Variants in RAB3GAP1 observed in about 807,000 individuals in gnomAD.
RAB3GAP1 encodes rab3 GTPase-activating protein catalytic subunit.
Under a neutral mutation model 130.7 loss-of-function variants are expected in RAB3GAP1, and 86 were observed. That is an observed-to-expected ratio of 0.66 (90% confidence interval 0.55 to 0.79). The LOEUF is 0.79. Ranked by LOEUF, RAB3GAP1 falls within the 30% of genes least tolerant of loss-of-function variation. RAB3GAP1 has a pLI of 0.00. For synonymous variants in RAB3GAP1, 367 were observed against 401.7 expected (o/e 0.91, Z 1.03); for missense variants, 1,029 against 1,169.4 (o/e 0.88, Z 1.75).
At chr2:135,074,188 G>A (rs1689556307) in intron 3 of RAB3GAP1, among the ~76,000 whole-genome samples, 1 of 152,230 alleles carries the variant, frequency 6.6e-6, no homozygotes, top group Non-Finnish European at 1.5e-5. Context: ...TGGAGCAGGA[G>A]GGTTGGCTGC....
intron 3 of RAB3GAP1, among the ~76,000 whole-genome samples, chr2:135,061,337 C>T (rs2874739): frequency 0.31 from 47,642 of 151,976 alleles, 11,367 homozygotes; most frequent in African/African-American, 0.65. Context: ...AGGATAGGTG[C>T]AACTTTATAA....
chr2:135,155,945 CAAGAA>C (rs1692299318), intron 19 of RAB3GAP1, among the ~76,000 whole-genome samples: 1 of 151,572 alleles, frequency 6.6e-6, no homozygotes, highest in Admixed American at 6.6e-5. Context: ...CTAATTTAAT[CAAGAA>C]AAGGGAGAGC....
chr2:135,173,923 ATCT>A (rs1168294150), downstream of RAB3GAP1, among the ~76,000 whole-genome samples: 8 of 152,166 alleles, frequency 5.3e-5, no homozygotes, highest in African/African-American at 1.9e-4. Context: ...TTGTGTTTAA[ATCT>A]TCTGGCCTCT....
At chr2:135,121,457 TTATTAA>T (rs1405630720) in intron 8 of RAB3GAP1, among the ~76,000 whole-genome samples, 3 of 152,174 alleles carry the variant, frequency 2.0e-5, no homozygotes, top group Non-Finnish European at 4.4e-5. Flanking sequence ...CATTCAACAA[TTATTAA>T]TTATTAACCT....
intron 17 of RAB3GAP1, among the ~76,000 whole-genome samples, chr2:135,148,755 G>A (rs1344119135): frequency 2.1e-5 from 3 of 144,072 alleles, no homozygotes; most frequent in Non-Finnish European, 3.0e-5. Flanking sequence ...CAAATGATCC[G>A]TCCACCTCGG....
In RAB3GAP1 at chr2:135,170,618, A is replaced by G. The variant is rs1692824282; in HGVS notation, c.*1837A>G. The G allele has an allele frequency of 6.6e-6, 1 of 150,596 alleles. No individual in the cohort carries two copies. The allele number at this position is 150,596 out of a possible 1,614,324, so 9.3% of individuals were successfully genotyped here. On this transcript the variant is annotated 3_prime_UTR_variant, in exon 24 of 24. Transcript: ENST00000264158. ...TAGTCAACTCTGCTGTGTGGATCGG[A>G]GGGCCTGCATTTATCCTACAAATAA...
At chr2:135,068,138 G>A (rs547874003) in intron 3 of RAB3GAP1, among the ~76,000 whole-genome samples, 125 of 152,218 alleles carry the variant, frequency 8.2e-4, no homozygotes, top group Non-Finnish European at 1.1e-3. Flanking sequence ...CAATAAAAAC[G>A]ATTGTTTCTT....
chr2:135,131,490 A>C (rs1353669964), intron 13 of RAB3GAP1, among the ~76,000 whole-genome samples: 1 of 152,120 alleles, frequency 6.6e-6, no homozygotes, highest in African/African-American at 2.4e-5. Context: ...TCGGCCTCCC[A>C]AACTGCTGGG....
chr2:135,091,155 T>A, intron 4 of RAB3GAP1, 25 bp downstream of exon 4: 1 of 1,534,834 alleles, frequency 6.5e-7, no homozygotes, highest in Non-Finnish European at 9.0e-7. Context: ...TATAATAATA[T>A]TAACTTCTGA....
chr2:135,160,072 T>C (rs1051739428), intron 19 of RAB3GAP1, among the ~76,000 whole-genome samples: 17 of 152,178 alleles, frequency 1.1e-4, no homozygotes, highest in African/African-American at 4.1e-4. Context: ...AATTAGATAA[T>C]GGTGATGGTA....
Position 135,168,781 on chromosome 2 carries a change from ATTC to A in RAB3GAP1, c.*5_*7del, listed in dbSNP as rs769085884. 4 of 1,610,426 alleles carry A rather than the reference ATTC, an allele frequency of 2.5e-6. No homozygotes were observed. In the African/African-American group the frequency reaches 5.3e-5, roughly 22 times the overall value. ...TTTCATCAGATACTTCCTTCTTCTG[ATTC>A]TTCTAGCATTACTCGTTGGTGGCTT... On this transcript the variant is annotated 3_prime_UTR_variant, in exon 24 of 24. Transcript: ENST00000264158.
chr2:135,141,425 T>A (rs1435403041), intron 17 of RAB3GAP1, among the ~76,000 whole-genome samples: 1 of 151,790 alleles, frequency 6.6e-6, no homozygotes, highest in Non-Finnish European at 1.5e-5. Context: ...GGGGTTTCAC[T>A]ATGTTGGCCA....
chr2:135,103,853 TG>T (rs1180266228), intron 5 of RAB3GAP1, among the ~76,000 whole-genome samples: 1 of 152,138 alleles, frequency 6.6e-6, no homozygotes, highest in African/African-American at 2.4e-5. Flanking sequence ...AGGCAAGTGA[TG>T]GATTAGTCAA....
intron 5 of RAB3GAP1, among the ~76,000 whole-genome samples, chr2:135,103,535 A>AT (rs945167133): frequency 3.9e-5 from 6 of 152,066 alleles, no homozygotes; most frequent in African/African-American, 1.4e-4. Context: ...CTAAAGGGGA[A>AT]TTTTTTTAAA....
At chr2:135,056,999 A>G (rs1689031852) in intron 2 of RAB3GAP1, among the ~76,000 whole-genome samples, 1 of 152,220 alleles carries the variant, frequency 6.6e-6, no homozygotes, top group Non-Finnish European at 1.5e-5. Context: ...GTTAGATTGC[A>G]TCATACTTAG....
In RAB3GAP1 at chr2:135,169,782, C is replaced by T. The variant is rs1281759407; in HGVS notation, c.*1001C>T. The T allele has an allele frequency of 2.2e-6, 1 of 455,868 alleles. No homozygotes were observed. Among genetic ancestry groups the T allele is most frequent in the Admixed American group, 2.4e-5 (1 of 42,520 alleles). The allele number at this position is 455,868 out of a possible 1,614,324, so 28.2% of individuals were successfully genotyped here. On this transcript the variant is annotated 3_prime_UTR_variant, in exon 24 of 24. Coordinates refer to ENST00000264158, the MANE Select transcript of RAB3GAP1 (RefSeq NM_012233.3). Reference sequence around the variant, plus strand: ...TAGCCCCCCCGTGTGAGGATGACATCACCACATTTCTAGTTTCATGGAGCT... The same window carrying T: ...TAGCCCCCCCGTGTGAGGATGACATTACCACATTTCTAGTTTCATGGAGCT...
intron 3 of RAB3GAP1, among the ~76,000 whole-genome samples, chr2:135,084,312 A>G (rs1203352251): frequency 1.3e-5 from 2 of 152,198 alleles, no homozygotes; most frequent in Non-Finnish European, 2.9e-5. Flanking sequence ...TTCTTTATAT[A>G]TTCTGGATAC....
At chr2:135,160,674 C>CA (rs59034119) in intron 19 of RAB3GAP1, among the ~76,000 whole-genome samples, 1,181 of 33,806 alleles carry the variant, frequency 0.035, 99 homozygotes, top group Non-Finnish European at 0.046. Flanking sequence ...GACCCTGTCT[C>CA]AAAAAAAAAA....
intron 19 of RAB3GAP1, among the ~76,000 whole-genome samples, chr2:135,155,649 T>C (rs1222283166): frequency 1.2e-4 from 19 of 152,020 alleles, no homozygotes. Flanking sequence ...AAAATACAAA[T>C]TGAAAGTACA....
Sources: gnomAD v4.1 joint callset for allele counts (sites outside exome capture counted in the v4.1 genomes callset) on GRCh38, gnomAD v4.1.1 for gene constraint, MANE v1.5 for transcripts, NCBI Gene and HGNC (gene_info 2026-07-23, HGNC 2026-07-21) for gene names.